The following MCTP1 variants were observed in gnomAD, a reference collection of about 807,000 sequenced individuals.
MCTP1 encodes the protein multiple C2 and transmembrane domain-containing protein 1.
A neutral mutation model predicts 120.6 loss-of-function variants in MCTP1; 69 were observed. That is an observed-to-expected ratio of 0.57 (90% CI 0.47 to 0.70). MCTP1 has a LOEUF of 0.70. Among genes scored for constraint, MCTP1 ranks in the 30% least tolerant of loss-of-function variants. The pLI is 0.00. For missense variants in MCTP1, 1,203 were observed against 1,248.8 expected, an observed-to-expected ratio of 0.96 and a Z score of 0.55; for synonymous variants, 529 against 493.1, an observed-to-expected ratio of 1.07 and a Z score of -0.96.
chr5:94,779,300 G>C (rs1776098745), intron 18 of MCTP1, 137 bp from the exon 19 acceptor site: 6 of 719,634 alleles, frequency 8.3e-6, no homozygotes, highest in Admixed American at 6.7e-5. Flanking sequence ...GATCTAGAGA[G>C]AGTGATTAGG....
At chr5:94,963,927 C>T (rs137928579) in intron 2 of MCTP1, among the ~76,000 whole-genome samples, 214 of 152,190 alleles carry the variant, frequency 1.4e-3, no homozygotes, top group African/African-American at 2.3e-3. Flanking sequence ...TCTTTCCTTC[C>T]GGTAGTTTTT....
intron 1 of MCTP1, among the ~76,000 whole-genome samples, chr5:95,134,253 T>A (rs1432482884): frequency 6.6e-6 from 1 of 152,246 alleles, no homozygotes; most frequent in East Asian, 1.9e-4. Context: ...CATGATATCT[T>A]GAGTTATTAA....
intron 17 of MCTP1, among the ~76,000 whole-genome samples, chr5:94,828,909 C>T (rs1787858511): frequency 6.6e-6 from 1 of 152,180 alleles, no homozygotes; most frequent in African/African-American, 2.4e-5. Context: ...AGCAAGACAA[C>T]TTGGCTTCTT....
At chr5:94,766,431 C>T (rs1409758422) in intron 19 of MCTP1, among the ~76,000 whole-genome samples, 1 of 145,494 alleles carries the variant, frequency 6.9e-6, no homozygotes, top group Non-Finnish European at 1.5e-5. Flanking sequence ...GGACAGAAAA[C>T]CAAACACCAC....
intron 2 of MCTP1, among the ~76,000 whole-genome samples, chr5:94,958,371 G>A (rs1256469472): frequency 2.0e-5 from 3 of 151,946 alleles, no homozygotes; most frequent in African/African-American, 7.3e-5. Flanking sequence ...AGAGAAGCAA[G>A]AGCAAACAAA....
chr5:95,080,754 T>C (rs1459095146), intron 1 of MCTP1, among the ~76,000 whole-genome samples: 3 of 152,182 alleles, frequency 2.0e-5, no homozygotes, highest in Non-Finnish European at 4.4e-5. Flanking sequence ...AACCTCTCAT[T>C]CATTCTCTAT....
intron 1 of MCTP1, among the ~76,000 whole-genome samples, chr5:95,160,828 A>G (rs1307507536): frequency 6.6e-6 from 1 of 152,196 alleles, no homozygotes; most frequent in Non-Finnish European, 1.5e-5. Context: ...AAGACATACA[A>G]TAGCCAACAG....
chr5:95,210,170 T>G (rs1018464900), intron 1 of MCTP1, among the ~76,000 whole-genome samples: 3 of 152,080 alleles, frequency 2.0e-5, no homozygotes, highest in African/African-American at 4.8e-5. Flanking sequence ...GGGTGGAGAG[T>G]TCTGTAGATG....
At chr5:95,275,385 T>TG (rs1443185660) in intron 1 of MCTP1, among the ~76,000 whole-genome samples, 1 of 152,198 alleles carries the variant, frequency 6.6e-6, no homozygotes, top group Admixed American at 6.5e-5. Context: ...GAGAAGCAGC[T>TG]GCTCCTTCCA....
At chr5:95,061,418 T>TTTTG (rs1749124215) in intron 1 of MCTP1, among the ~76,000 whole-genome samples, 1 of 17,228 alleles carries the variant, frequency 5.8e-5, no homozygotes, top group Non-Finnish European at 1.1e-4. Context: ...GTTTTTTTTT[T>TTTTG]TTTTTTTTTT....
intron 2 of MCTP1, among the ~76,000 whole-genome samples, chr5:95,010,624 G>A (rs1206945501): frequency 6.6e-6 from 1 of 152,112 alleles, no homozygotes; most frequent in African/African-American, 2.4e-5. Flanking sequence ...TGCCAGGCAA[G>A]TAAGTACACT....
At chr5:95,170,305 T>A (rs559508152) in intron 1 of MCTP1, among the ~76,000 whole-genome samples, 18 of 152,346 alleles carry the variant, frequency 1.2e-4, no homozygotes, top group Admixed American at 3.3e-4. Flanking sequence ...TTCTTTTACA[T>A]TTGCTGAGGA....
intron 2 of MCTP1, among the ~76,000 whole-genome samples, chr5:95,015,980 C>T (rs1172835767): frequency 6.6e-6 from 1 of 152,078 alleles, no homozygotes; most frequent in Admixed American, 6.6e-5. Context: ...GTTGTATACG[C>T]TGTAAATATA....
intron 1 of MCTP1, among the ~76,000 whole-genome samples, chr5:95,022,677 T>C (rs1013874206): frequency 2.6e-5 from 4 of 152,126 alleles, no homozygotes; most frequent in Non-Finnish European, 5.9e-5. Flanking sequence ...TTCTCTCTCT[T>C]CTCCTACACT....
intron 1 of MCTP1, among the ~76,000 whole-genome samples, chr5:95,027,253 T>C (rs1056698929): frequency 3.3e-5 from 5 of 152,178 alleles, no homozygotes; most frequent in Admixed American, 2.0e-4. Context: ...ACAGCCGCAA[T>C]GGAAAGAAAA....
chr5:95,142,422 C>A (rs1483505825), intron 1 of MCTP1, among the ~76,000 whole-genome samples: 1 of 152,176 alleles, frequency 6.6e-6, no homozygotes, highest in African/African-American at 2.4e-5. Flanking sequence ...ATATAAGGAA[C>A]AACTCCCCAG....
At chr5:95,276,448 G>C (rs541441386) in intron 1 of MCTP1, among the ~76,000 whole-genome samples, 2 of 150,544 alleles carry the variant, frequency 1.3e-5, no homozygotes, top group South Asian at 2.1e-4. Flanking sequence ...AGTAGAGATG[G>C]GGTTTCACCA....
At chr5:94,955,585 G>A (rs1822389860) in intron 2 of MCTP1, among the ~76,000 whole-genome samples, 1 of 152,140 alleles carries the variant, frequency 6.6e-6, no homozygotes, top group South Asian at 2.1e-4. Context: ...GTAGGGAGAG[G>A]GGCGTCTGCC....
At chr5:94,768,910 T>C (rs561178144) in intron 19 of MCTP1, among the ~76,000 whole-genome samples, 14 of 152,310 alleles carry the variant, frequency 9.2e-5, no homozygotes, top group African/African-American at 3.4e-4. Flanking sequence ...AGGAAATCAG[T>C]ATATTAAAGG....
Sources: gnomAD v4.1 joint callset for allele counts (sites outside exome capture counted in the v4.1 genomes callset) on GRCh38, gnomAD v4.1.1 for gene constraint, MANE v1.5 for transcripts, NCBI Gene and HGNC (gene_info 2026-07-23, HGNC 2026-07-21) for gene names.